CCR3: variants seen among roughly 807,000 people sequenced by gnomAD.
CCR3 encodes C-C motif chemokine receptor 3.
For synonymous variants in CCR3, 203 were observed against 179.2 expected, an observed-to-expected ratio of 1.13 and a Z score of -1.06; for missense variants, 419 against 437.5, an observed-to-expected ratio of 0.96 and a Z score of 0.38.
chr3:46,232,023 A>T (rs1274190677), intron 2 of CCR3, among the ~76,000 whole-genome samples: 1 of 152,206 alleles, frequency 6.6e-6, no homozygotes, highest in East Asian at 1.9e-4. Context: ...TTTGCATTTA[A>T]TTAGGAAGTA....
At chr3:46,214,718 C>T (rs1490661805) in intron 2 of CCR3, among the ~76,000 whole-genome samples, 1 of 152,128 alleles carries the variant, frequency 6.6e-6, no homozygotes, top group Admixed American at 6.5e-5. Context: ...GATAGTGCCT[C>T]CACCTTTCCT....
chr3:46,247,326 C>T (rs987178694), intron 1 of CCR3, among the ~76,000 whole-genome samples: 15 of 151,966 alleles, frequency 9.9e-5, no homozygotes, highest in Admixed American at 3.9e-4. Flanking sequence ...TAAGGTGGTC[C>T]GGTGTCTGGA....
chr3:46,245,741 T>C (rs368112365), intron 1 of CCR3, among the ~76,000 whole-genome samples: 44 of 144,868 alleles, frequency 3.0e-4, no homozygotes, highest in African/African-American at 1.1e-3. Context: ...GTGTCTGTTG[T>C]TCTCTTCTTT....
chr3:46,236,123 C>G (rs1575492992), intron 2 of CCR3, among the ~76,000 whole-genome samples: 1 of 152,110 alleles, frequency 6.6e-6, no homozygotes, highest in Admixed American at 6.5e-5. Flanking sequence ...AGCCTGTGTG[C>G]CCATGGCTCT....
At chr3:46,237,672 A>G (rs559436316), upstream of CCR3, among the ~76,000 whole-genome samples, 3 of 152,356 alleles carry the variant, frequency 2.0e-5, no homozygotes, top group East Asian at 5.8e-4. Context: ...AGCAGCATGT[A>G]TTGAAGAGGG....
intron 2 of CCR3, among the ~76,000 whole-genome samples, chr3:46,220,896 T>G (rs867361584): frequency 6.6e-6 from 1 of 152,184 alleles, no homozygotes; most frequent in African/African-American, 2.4e-5. Context: ...ACACGCTGGG[T>G]GCAGTGTACA....
chr3:46,231,070 A>G (rs773931453), intron 2 of CCR3, among the ~76,000 whole-genome samples: 7 of 152,110 alleles, frequency 4.6e-5, no homozygotes, highest in Non-Finnish European at 8.8e-5. Flanking sequence ...GATTACAGGC[A>G]CACACCATCA....
chr3:46,248,491 CT>C (rs1206798626), intron 1 of CCR3, among the ~76,000 whole-genome samples: 1 of 152,138 alleles, frequency 6.6e-6, no homozygotes. Flanking sequence ...AGAATTCTGA[CT>C]GCACTAACCA....
rs1006563661 is a variant in CCR3 at position 46,250,768 on chromosome 3, C to T, written c.-12+8230C>T. Among the ~76,000 whole-genome samples, 112 of 151,770 alleles carry T rather than the reference C, an allele frequency of 7.4e-4. 3 individuals are homozygous for T. The highest frequency in any genetic ancestry group is 4.6e-4 in the Admixed American group (7 of 15,234). On this transcript the variant is annotated intron_variant, in intron 1 of 1. Transcript: ENST00000395940. ...TTTTGCCTATAGTGAAGGAGGCAAA[C>T]CCAGAGAAAAGAGAGAGTAGAGACA...
chr3:46,220,471 T>C (rs1305829468), intron 2 of CCR3, among the ~76,000 whole-genome samples: 7 of 152,120 alleles, frequency 4.6e-5, no homozygotes, highest in Admixed American at 4.6e-4. Flanking sequence ...AAAGTAGAAC[T>C]ACCATTTGAT....
At chr3:46,240,129 G>T (rs1700064851), upstream of CCR3, among the ~76,000 whole-genome samples, 1 of 152,108 alleles carries the variant, frequency 6.6e-6, no homozygotes, top group Non-Finnish European at 1.5e-5. Context: ...AAACTCCCCA[G>T]ATAAAGTGAA....
chr3:46,264,346 T>C lies in CCR3; in HGVS notation c.-11-802T>C, dbSNP rs1575513299. Reference sequence around the variant, plus strand: ...TTATTGTAATAGTTAATTACTGTGATTGTACATGTGTAACAGACAAAATGT... The same window carrying C: ...TTATTGTAATAGTTAATTACTGTGACTGTACATGTGTAACAGACAAAATGT... On this transcript the variant is annotated intron_variant, in intron 1 of 1. Transcript: ENST00000395940. 5 of 1,090,496 alleles carry C rather than the reference T, an allele frequency of 4.6e-6. No individual in the cohort carries two copies. In the East Asian group the frequency reaches 1.3e-4, roughly 28 times the overall value. The allele number at this position is 1,090,496 out of a possible 1,614,324, so 67.6% of individuals were successfully genotyped here.
chr3:46,265,372 T>C lies in CCR3; in HGVS notation c.214T>C (p.Tyr72His). ...GAGGCTCCGAATTATGACCAACATC[T>C]ACCTGCTCAACCTGGCCATTTCGGA... The part of the protein sequence containing the change: ...YRRLRIMTNI[Y>H]LLNLAISDLL... Residue 72 changes from tyrosine to histidine, a missense_variant, in exon 2 of 2, where the codon TAC becomes CAC. Physicochemically the swap from Tyr to His is moderately conservative, Grantham distance 83. Transcript: ENST00000395940. 1 of 1,614,178 alleles carries C rather than the reference T, an allele frequency of 6.2e-7. No individual in the cohort carries two copies.
chr3:46,216,902 T>A (rs781322334), intron 2 of CCR3, among the ~76,000 whole-genome samples: 6 of 152,058 alleles, frequency 3.9e-5, no homozygotes, highest in Non-Finnish European at 8.8e-5. Context: ...TAGAACCTAC[T>A]TAAAGTGAAA....
intron 1 of CCR3, chr3:46,264,571 G>T (rs912507977): frequency 3.0e-6 from 2 of 656,636 alleles, no homozygotes; most frequent in African/African-American, 1.9e-5. Flanking sequence ...ATATTTACTT[G>T]TTAGAGGATT....
intron 2 of CCR3, among the ~76,000 whole-genome samples, chr3:46,215,372 AG>A (rs1030632258): frequency 6.6e-6 from 1 of 152,164 alleles, no homozygotes; most frequent in African/African-American, 2.4e-5. Context: ...GTGGAAATGA[AG>A]GTTCTCAGGC....
intron 1 of CCR3, among the ~76,000 whole-genome samples, chr3:46,258,086 A>G (rs1430188692): frequency 2.0e-5 from 3 of 152,174 alleles, no homozygotes; most frequent in East Asian, 1.9e-4. Flanking sequence ...GATCTTTCCC[A>G]CCTAATCCAC....
intron 2 of CCR3, among the ~76,000 whole-genome samples, chr3:46,226,011 A>T (rs1699890556): frequency 6.6e-6 from 1 of 152,142 alleles, no homozygotes; most frequent in South Asian, 2.1e-4. Context: ...TCTAGTTCTG[A>T]GTTCTCTATT....
chr3:46,244,635 G>A (rs1700157995), intron 1 of CCR3, among the ~76,000 whole-genome samples: 1 of 152,182 alleles, frequency 6.6e-6, no homozygotes, highest in Non-Finnish European at 1.5e-5. Flanking sequence ...ACTTTCACAA[G>A]GTAATGTCAT....
Sources: allele counts gnomAD v4.1 joint callset (sites outside exome capture counted in the v4.1 genomes callset), GRCh38; gene constraint gnomAD v4.1.1; transcripts MANE v1.5; gene names NCBI Gene and HGNC (gene_info 2026-07-23, HGNC 2026-07-21).